The following ARHGAP6 variants were observed in gnomAD, a reference collection of about 807,000 sequenced individuals.
The protein encoded by ARHGAP6 is rho GTPase-activating protein 6.
A neutral mutation model predicts 55.7 loss-of-function variants in ARHGAP6; 16 were observed. That is an observed-to-expected ratio of 0.29 (90% CI 0.19 to 0.44). ARHGAP6 has a LOEUF of 0.44. Among genes scored for constraint, ARHGAP6 ranks in the 20% least tolerant of loss-of-function variants. The probability of loss-of-function intolerance (pLI) is 1.00; values close to 1 mark genes in which losing one functional copy is unlikely to be tolerated. For synonymous variants in ARHGAP6, 382 were observed against 360.9 expected, an observed-to-expected ratio of 1.06 and a Z score of -0.66; for missense variants, 698 against 808.9, an observed-to-expected ratio of 0.86 and a Z score of 1.66.
In ARHGAP6 at chrX:11,664,670, C is replaced by T; in HGVS notation, c.159G>A (p.Ala53=). ...IGGCGSDEAG[A]EGSARGATAG... is the part of the protein sequence containing the mutation. ...CCGTGGCTCCCCGCGCACTGCCCTC[C>T]GCGCCCGCCTCGTCGCTCCCGCAGC... Residue 53 remains alanine, a synonymous_variant, in exon 1 of 13, where the codon GCG becomes GCA. Coordinates refer to ENST00000337414, the MANE Select transcript of ARHGAP6 (RefSeq NM_013427.3). 2 of 1,164,172 alleles carry T rather than the reference C, an allele frequency of 1.7e-6. No homozygotes were observed. Among genetic ancestry groups the T allele is most frequent in the South Asian group, 1.9e-5 (1 of 52,218 alleles).
intron 1 of ARHGAP6, among the ~76,000 whole-genome samples, chrX:11,600,891 G>A (rs780851992): frequency 4.5e-5 from 5 of 111,871 alleles, no homozygotes; most frequent in African/African-American, 6.5e-5. Flanking sequence ...GGACCTTTGC[G>A]AGCCTGGGTG....
chrX:11,459,652 A>G (rs2050225029), intron 1 of ARHGAP6, among the ~76,000 whole-genome samples: 1 of 112,124 alleles, frequency 8.9e-6, no homozygotes, highest in Non-Finnish European at 1.9e-5. Context: ...ACTATTGCTC[A>G]ATAAAATGAA....
intron 1 of ARHGAP6, among the ~76,000 whole-genome samples, chrX:11,292,747 A>G (rs1167213821): frequency 4.5e-5 from 5 of 112,355 alleles, no homozygotes. Context: ...AAGCTTTGCT[A>G]CTGCAAGAAC....
chrX:11,664,601 G>A lies in ARHGAP6; in HGVS notation c.228C>T (p.Gly76=), dbSNP rs2052735339. 8.5e-7 allele frequency: 1 copy of A among 1,173,836 alleles called. No individual in the cohort carries two copies. Among genetic ancestry groups the A allele is most frequent in the Admixed American group, 2.5e-5 (1 of 39,491 alleles). The change falls in exon 1 of 13, where the codon GGC becomes GGT. Residue 76 remains glycine (G), a synonymous_variant. Transcript: ENST00000337414. ...CCCGGGAAGAGGACGCCAAGCGAGGGCCGAGACTCTCGGCTGGGAGTGATG... is the reference window on the plus strand; with the variant it reads ...CCCGGGAAGAGGACGCCAAGCGAGGACCGAGACTCTCGGCTGGGAGTGATG... ...YSPSLPAESL[G]PRLASSSRGP... is the part of the protein sequence containing the mutation.
intron 1 of ARHGAP6, among the ~76,000 whole-genome samples, chrX:11,378,795 C>A (rs767344119): frequency 8.9e-6 from 1 of 112,395 alleles, no homozygotes; most frequent in African/African-American, 3.2e-5. Flanking sequence ...TTTTGGCTGG[C>A]TTTTAAACTC....
At chrX:11,450,794 G>A (rs989688606) in intron 1 of ARHGAP6, among the ~76,000 whole-genome samples, 3 of 111,461 alleles carry the variant, frequency 2.7e-5, no homozygotes, top group African/African-American at 9.8e-5. Context: ...ACATTTAGCA[G>A]TACCCTGGGC....
chrX:11,341,280 GT>G (rs1483103935), intron 1 of ARHGAP6, among the ~76,000 whole-genome samples: 1 of 111,476 alleles, frequency 9.0e-6, no homozygotes, highest in East Asian at 2.8e-4. Flanking sequence ...CAGGTTTAGA[GT>G]TTTTTTGTTG....
chrX:11,199,786 G>C (rs540937859), intron 2 of ARHGAP6, among the ~76,000 whole-genome samples: 27 of 112,070 alleles, frequency 2.4e-4, no homozygotes, highest in African/African-American at 8.1e-4. Flanking sequence ...ATTAGATAGC[G>C]GTGAATGTTA....
intron 2 of ARHGAP6, chrX:11,224,482 T>C (rs1457726458): frequency 3.8e-6 from 1 of 262,788 alleles, no homozygotes; most frequent in Non-Finnish European, 5.5e-6. Context: ...ACTAGGGGAA[T>C]ATAATTGCCA....
chrX:11,414,153 GC>G (rs1266377134), intron 1 of ARHGAP6, among the ~76,000 whole-genome samples: 1 of 111,998 alleles, frequency 8.9e-6, no homozygotes, highest in African/African-American at 3.2e-5. Context: ...CTAGAGATAG[GC>G]AAACTTTTTC....
At chrX:11,230,317 C>G (rs1477029581) in intron 2 of ARHGAP6, among the ~76,000 whole-genome samples, 1 of 111,540 alleles carries the variant, frequency 9.0e-6, no homozygotes, top group Non-Finnish European at 1.9e-5. Context: ...CCTCCCTCAG[C>G]CTCCCGAGTA....
At chrX:11,587,557 T>C (rs887246359) in intron 1 of ARHGAP6, among the ~76,000 whole-genome samples, 6 of 111,647 alleles carry the variant, frequency 5.4e-5, no homozygotes, top group Admixed American at 4.8e-4. Context: ...GGATGGAAGA[T>C]GGTAATGCAG....
In ARHGAP6 at chrX:11,427,815, A is replaced by AGAGGAGGAG. The variant is rs775959764; in HGVS notation, c.589-173117_589-173109dup. ...GCAGCGGCGCGAAGGGGGAGGGGGA[A>AGAGGAGGAG]GAGGAGGAGGAGGAGGAGGAGGAGG... On this transcript the variant is annotated intron_variant, in intron 1 of 12. Transcript: ENST00000337414. The AGAGGAGGAG allele has an allele frequency of 3.2e-3, 621 of 193,078 alleles. 11 individuals carry two copies. Among genetic ancestry groups the AGAGGAGGAG allele is most frequent in the East Asian group, 0.013 (32 of 2,429 alleles). The allele number at this position is 193,078 out of a possible 1,213,427, so 15.9% of individuals were successfully genotyped here.
Position 11,254,630 on chromosome X carries a change from C to T in ARHGAP6, c.666G>A (p.Leu222=), listed in dbSNP as rs140239424. 12 of 1,204,964 alleles carry T rather than the reference C, an allele frequency of 1.0e-5. No homozygotes were observed. The highest frequency in any genetic ancestry group is 1.2e-5 in the Non-Finnish European group (11 of 894,060). The change falls in exon 2 of 13, where the codon CTG becomes CTA. Residue 222 remains leucine (L), a synonymous_variant. Transcript: ENST00000337414. ...RSVPIQSLSE[L]ERARLQEVAF... ...CCACTTCCTGCAGCCGGGCCCTCTC[C>T]AGCTCTGAGAGACTCTGGATGGGGA...
chrX:11,313,751 C>T (rs1434483783), intron 1 of ARHGAP6, among the ~76,000 whole-genome samples: 3 of 112,228 alleles, frequency 2.7e-5, no homozygotes, highest in Non-Finnish European at 5.6e-5. Context: ...TATAATCTAG[C>T]ATCATGCTAA....
At chrX:11,650,571 T>C (rs1305640580) in intron 1 of ARHGAP6, among the ~76,000 whole-genome samples, 2 of 111,753 alleles carry the variant, frequency 1.8e-5, no homozygotes, top group South Asian at 3.7e-4. Flanking sequence ...CAAAACAGAA[T>C]AGCTCAAAGA....
intron 1 of ARHGAP6, among the ~76,000 whole-genome samples, chrX:11,330,158 GA>G (rs2048545064): frequency 8.8e-6 from 1 of 113,088 alleles, no homozygotes; most frequent in South Asian, 3.6e-4. Context: ...GAGGCTGGGG[GA>G]TGTCAGCAAT....
At chrX:11,422,953 G>A (rs2049839020) in intron 1 of ARHGAP6, among the ~76,000 whole-genome samples, 1 of 111,902 alleles carries the variant, frequency 8.9e-6, no homozygotes, top group Non-Finnish European at 1.9e-5. Flanking sequence ...TCTGCATGCA[G>A]CAGAAAAGTA....
At chrX:11,165,499 TTAATG>T (rs1569237508) in intron 9 of ARHGAP6, among the ~76,000 whole-genome samples, 2 of 111,715 alleles carry the variant, frequency 1.8e-5, no homozygotes, top group Non-Finnish European at 3.8e-5. Flanking sequence ...CCTTATCCCT[TTAATG>T]TAATAATAGC....
Sources: allele counts gnomAD v4.1 joint callset (sites outside exome capture counted in the v4.1 genomes callset), GRCh38; gene constraint gnomAD v4.1.1; transcripts MANE v1.5; gene names NCBI Gene and HGNC (gene_info 2026-07-23, HGNC 2026-07-21).